CHD6: variants seen among roughly 807,000 people sequenced by gnomAD.
CHD6 encodes the protein ATP-dependent chromatin remodeler CHD6.
CHD6 carries 50 observed loss-of-function variants against 276.9 expected under a neutral mutation model. The observed-to-expected ratio is 0.18, with a 90% CI of 0.14 to 0.23. The LOEUF (loss-of-function observed/expected upper bound fraction) is 0.23, where lower values mean the gene tolerates loss of function less well. Among genes scored for constraint, CHD6 ranks in the 10% least tolerant of loss-of-function variants. CHD6 has a pLI of 1.00. For missense variants in CHD6, 2,564 were observed against 3,365.8 expected (o/e 0.76, Z 5.89); for synonymous variants, 1,173 against 1,229.3 (o/e 0.95, Z 0.96).
chr20:41,527,151 A>T (rs1157564713), intron 3 of CHD6, among the ~76,000 whole-genome samples: 1 of 152,198 alleles, frequency 6.6e-6, no homozygotes, highest in East Asian at 1.9e-4. Flanking sequence ...TAAAAGCAAC[A>T]TTCAGGCTGG....
chr20:41,453,980 G>C (rs750511779), intron 20 of CHD6, among the ~76,000 whole-genome samples: 2 of 152,134 alleles, frequency 1.3e-5, no homozygotes, highest in Non-Finnish European at 2.9e-5. Flanking sequence ...CCTGAAGTGA[G>C]GTGACAGGGT....
intron 1 of CHD6, among the ~76,000 whole-genome samples, chr20:41,593,719 A>G (rs184297365): frequency 1.3e-5 from 2 of 152,330 alleles, no homozygotes; most frequent in East Asian, 3.9e-4. Context: ...AAAGGAGGCC[A>G]TTACTGTGAC....
At chr20:41,507,628 G>C (rs891835944) in intron 5 of CHD6, among the ~76,000 whole-genome samples, 2 of 152,128 alleles carry the variant, frequency 1.3e-5, no homozygotes, top group African/African-American at 4.8e-5. Flanking sequence ...AGTGTATACA[G>C]ATACACACAG....
At chr20:41,567,973 G>A (rs1158381375) in intron 1 of CHD6, among the ~76,000 whole-genome samples, 1 of 152,060 alleles carries the variant, frequency 6.6e-6, no homozygotes, top group Non-Finnish European at 1.5e-5. Context: ...ACTCTACATG[G>A]CTAAAAATCC....
chr20:41,403,884 A>G lies in CHD6; in HGVS notation c.*709T>C. ...TGGTGGGTAAAGCTTTCTCGCAGCA[A>G]GAGGAATCTTTTCACTGGTGAGAGG... On this transcript the variant is annotated 3_prime_UTR_variant, in exon 37 of 37. Transcript: ENST00000373233. 2 of 1,056,728 alleles carry G rather than the reference A, an allele frequency of 1.9e-6. No homozygotes were observed. Among genetic ancestry groups the G allele is most frequent in the Non-Finnish European group, 2.3e-6 (2 of 873,874 alleles). The allele number at this position is 1,056,728 out of a possible 1,614,324, so 65.5% of individuals were successfully genotyped here.
intron 2 of CHD6, among the ~76,000 whole-genome samples, chr20:41,549,895 T>C (rs1302471580): frequency 1.3e-5 from 2 of 152,080 alleles, no homozygotes; most frequent in African/African-American, 2.4e-5. Context: ...ACCTCCCAGG[T>C]TCAAGTGATT....
intron 14 of CHD6, among the ~76,000 whole-genome samples, chr20:41,486,619 C>T (rs2043420926): frequency 6.6e-6 from 1 of 152,194 alleles, no homozygotes; most frequent in Admixed American, 6.5e-5. Context: ...AACCCACTTA[C>T]ACACCATTGC....
intron 2 of CHD6, among the ~76,000 whole-genome samples, chr20:41,542,471 T>A (rs1429662662): frequency 6.6e-6 from 1 of 152,002 alleles, no homozygotes; most frequent in Non-Finnish European, 1.5e-5. Context: ...GGCGGGTGGA[T>A]CCCAAGGTCA....
intron 17 of CHD6, among the ~76,000 whole-genome samples, chr20:41,460,220 A>C (rs2048501416): frequency 6.6e-6 from 1 of 152,222 alleles, no homozygotes; most frequent in Non-Finnish European, 1.5e-5. Flanking sequence ...AAAAACATTC[A>C]GTTTTATAAG....
At chr20:41,583,431 T>A (rs1043573094) in intron 1 of CHD6, among the ~76,000 whole-genome samples, 1 of 151,104 alleles carries the variant, frequency 6.6e-6, no homozygotes, top group African/African-American at 2.4e-5. Context: ...CGCAGAAATA[T>A]CTCCCCAAAA....
chr20:41,407,763 A>T (rs2046721848), intron 36 of CHD6, among the ~76,000 whole-genome samples: 1 of 152,196 alleles, frequency 6.6e-6, no homozygotes, highest in Non-Finnish European at 1.5e-5. Context: ...CTCAGCAGCG[A>T]GGGGAACGGC....
At chr20:41,587,177 A>G (rs1465678737) in intron 1 of CHD6, among the ~76,000 whole-genome samples, 1 of 152,240 alleles carries the variant, frequency 6.6e-6, no homozygotes, top group African/African-American at 2.4e-5. Flanking sequence ...TCAAGAAACA[A>G]TTGCAAATTA....
chr20:41,584,308 A>C (rs558052681), intron 1 of CHD6, among the ~76,000 whole-genome samples: 1 of 152,334 alleles, frequency 6.6e-6, no homozygotes, highest in African/African-American at 2.4e-5. Context: ...ATATGTATGC[A>C]CCTGACATCA....
In CHD6 at chr20:41,421,121, C is replaced by G; in HGVS notation, c.5514G>C (p.Leu1838=). 1 of 1,614,090 alleles carries G rather than the reference C, an allele frequency of 6.2e-7. No homozygotes were observed. The highest frequency in any genetic ancestry group is 8.5e-7 in the Non-Finnish European group (1 of 1,180,024). The change falls in exon 31 of 37, where the codon CTG becomes CTC. Residue 1838 remains leucine, a synonymous_variant. Transcript: ENST00000373233. ...AATCAATTAATTGCTGATCTGATGACAGGTTTCTTTTGGAGTCACAGACAC... is the reference window on the plus strand; with the variant it reads ...AATCAATTAATTGCTGATCTGATGAGAGGTTTCTTTTGGAGTCACAGACAC... ...SLSVCDSKRN[L]SSDQQLIDLL...
intron 1 of CHD6, among the ~76,000 whole-genome samples, chr20:41,583,231 G>A (rs965683352): frequency 1.3e-5 from 2 of 152,098 alleles, no homozygotes; most frequent in Non-Finnish European, 2.9e-5. Context: ...ACACTTCACA[G>A]TTAAATAGCT....
At chr20:41,617,495 T>TA (rs1483259284) in intron 1 of CHD6, among the ~76,000 whole-genome samples, 2 of 152,054 alleles carry the variant, frequency 1.3e-5, no homozygotes, top group Admixed American at 6.5e-5. Flanking sequence ...ATAACGCCTT[T>TA]AAAAAAAACC....
At position 41,499,354 on chromosome 20, in the gene CHD6, G is replaced by T; in HGVS notation, c.856C>A (p.Pro286Thr). Residue 286 changes from proline (P) to threonine (T), a missense_variant, in exon 6 of 37, where the codon CCT becomes ACT. This residue lies in a region of CHD6 where 457 missense variants were observed against 889.0 expected (regional missense o/e 0.51). Transcript: ENST00000373233. ...ATGATGTTTGCATCATCTTCTGGAG[G>T]CTCCTGGGGACAAAGATAAAAAAAA... ...ASTLAWQAEE[P>T]PEDDANIIEK... The T allele has an allele frequency of 6.3e-7, 1 of 1,598,364 alleles. No individual in the cohort carries two copies. The highest frequency in any genetic ancestry group is 1.7e-5 in the Admixed American group (1 of 58,628).
At chr20:41,510,523 T>C (rs2044093483) in intron 5 of CHD6, among the ~76,000 whole-genome samples, 1 of 152,210 alleles carries the variant, frequency 6.6e-6, no homozygotes, top group Admixed American at 6.5e-5. Flanking sequence ...CTTCCTTAAA[T>C]TTAGTAAATT....
At chr20:41,531,330 T>C (rs1002290912) in intron 3 of CHD6, among the ~76,000 whole-genome samples, 6 of 152,186 alleles carry the variant, frequency 3.9e-5, no homozygotes, top group Non-Finnish European at 5.9e-5. Context: ...TTATGCCTTA[T>C]TATTCTCTGT....
Sources: gnomAD v4.1 joint callset for allele counts (sites outside exome capture counted in the v4.1 genomes callset) on GRCh38, gnomAD v4.1.1 for gene constraint, gnomAD v4.1.1 regional missense constraint, MANE v1.5 for transcripts, NCBI Gene and HGNC (gene_info 2026-07-23, HGNC 2026-07-21) for gene names.